Variants in USF2 observed in about 807,000 individuals in gnomAD.
The protein encoded by USF2 is upstream stimulatory factor 2.
A neutral mutation model predicts 46.9 loss-of-function variants in USF2; 16 were observed. The observed-to-expected ratio is 0.34, with a 90% CI of 0.23 to 0.52. The LOEUF (loss-of-function observed/expected upper bound fraction) is 0.52, where lower values mean the gene tolerates loss of function less well. USF2 is among the 20% of genes least tolerant of loss of function. The pLI, the probability that USF2 is intolerant of heterozygous loss-of-function variation, is 0.96. For synonymous variants in USF2, 239 were observed against 194.1 expected (o/e 1.23, Z -1.92); for missense variants, 411 against 474.0 (o/e 0.87, Z 1.23).
chr19:35,272,051 A>AATC (rs2066164200), intron 7 of USF2, among the ~76,000 whole-genome samples: 2 of 152,130 alleles, frequency 1.3e-5, no homozygotes, highest in African/African-American at 2.4e-5. Context: ...TGAGGGGCTG[A>AATC]ATGCTGAGTC....
In USF2 at chr19:35,278,732, G is replaced by C; in HGVS notation, c.762G>C (p.Trp254Cys). 6.2e-7 allele frequency: 1 copy of C among 1,614,188 alleles called. No individual in the cohort carries two copies. The highest frequency in any genetic ancestry group is 8.5e-7 in the Non-Finnish European group (1 of 1,180,032). The change falls in exon 8 of 10, where the codon TGG becomes TGC. Residue 254 changes from tryptophan (W) to cysteine (C), a missense_variant. Around this residue, in one of 2 missense-constraint regions of USF2, gnomAD observed 93 missense variants for 151.6 expected, o/e 0.61. Transcript: ENST00000222305. ...ERRRRDKINN[W>C]IVQLSKIIPD... ...GGCGGAGGGACAAGATCAACAACTGGATCGTCCAGCTTTCGAAAATCATTC... is the reference window on the plus strand; with the variant it reads ...GGCGGAGGGACAAGATCAACAACTGCATCGTCCAGCTTTCGAAAATCATTC...
rs2063371024 is a variant in USF2, at chr19:35,269,294, G to A, written c.62+131G>A. 9 of 883,294 alleles carry A rather than the reference G, an allele frequency of 1.0e-5. No homozygotes were observed. In the Admixed American group the frequency reaches 1.9e-4, roughly 19 times the overall value. 54.7% of individuals were successfully genotyped at this position (883,294 alleles called of 1,614,324 possible). Reference sequence around the variant, plus strand: ...AAAATGGAGGCCGCCGGCGCGGGGGGGACCTGGCGCCTCCCGCCCCCGGCC... The same window carrying A: ...AAAATGGAGGCCGCCGGCGCGGGGGAGACCTGGCGCCTCCCGCCCCCGGCC... On this transcript the variant is annotated intron_variant, in intron 1 of 9. Coordinates refer to ENST00000222305, the MANE Select transcript of USF2 (RefSeq NM_003367.4).
chr19:35,269,854 G>A lies in USF2; in HGVS notation c.280G>A (p.Asp94Asn). The part of the protein sequence containing the change: ...VTDGQLDGQG[D>N]TAGAVSVVST... The stretch of plus-strand genomic sequence containing the variant: ...TGATGGTCAGCTGGACGGCCAGGGC[G>A]ACACAGCTGGCGCCGTCAGCGTCGT... Residue 94 changes from aspartate (D) to asparagine (N), a missense_variant, in exon 4 of 10, where the codon GAC (aspartate) becomes AAC (asparagine). Coordinates refer to ENST00000222305, the MANE Select transcript of USF2 (RefSeq NM_003367.4). The A allele has an allele frequency of 7.0e-7, 1 of 1,432,252 alleles. No individual in the cohort carries two copies. The highest frequency in any genetic ancestry group is 9.1e-7 in the Non-Finnish European group (1 of 1,101,970). 88.7% of individuals were successfully genotyped at this position (1,432,252 alleles called of 1,614,324 possible). A position where few individuals can be genotyped will look rare whatever the true frequency, so the allele number is the denominator to read the frequency against.
At chr19:35,278,613 C>T in intron 7 of USF2, 85 bp from the exon 8 acceptor site, 1 of 1,417,098 alleles carries the variant, frequency 7.1e-7, no homozygotes, top group Non-Finnish European at 9.9e-7. Flanking sequence ...CCTGGGTGTC[C>T]TTGGGCTGAG....
intron 7 of USF2, among the ~76,000 whole-genome samples, chr19:35,272,029 C>T (rs539463114): frequency 4.9e-4 from 74 of 152,140 alleles, no homozygotes; most frequent in Middle Eastern, 3.4e-3. Flanking sequence ...GGGAAGGCCT[C>T]GAATGCCCGA....
rs753778709 is a variant in USF2 at position 35,270,079 on chromosome 19, C to T, written c.429+76C>T. 2.9e-4 allele frequency: 385 copies of T among 1,324,386 alleles called. 1 individual carries two copies. The highest frequency in any genetic ancestry group is 4.5e-5 in the Non-Finnish European group (47 of 1,037,194). The allele number at this position is 1,324,386 out of a possible 1,614,324, so 82.0% of individuals were successfully genotyped here. On this transcript the variant is annotated intron_variant, in intron 4 of 9. Coordinates refer to ENST00000222305, the MANE Select transcript of USF2 (RefSeq NM_003367.4). ...CACTGGCTCTGCTCTTGGGGAGCCC[C>T]GGGGGTGGGGCAGGTGTCGCCCAGC...
Position 35,272,984 on chromosome 19 carries a change from C to T in USF2, c.727+1843C>T, listed in dbSNP as rs185770388. On this transcript the variant is annotated intron_variant, in intron 7 of 9. Coordinates refer to ENST00000222305, the MANE Select transcript of USF2 (RefSeq NM_003367.4). The stretch of plus-strand genomic sequence containing the variant: ...GGTGGAAGCACAGCCGCCCCGGGCA[C>T]CTGGTGGGGATGCAGTGAGTCTTGG... Among the ~76,000 whole-genome samples, 395 of 151,650 alleles carry T rather than the reference C, an allele frequency of 2.6e-3. 4 individuals are homozygous for T. The highest frequency in any genetic ancestry group is 9.3e-3 in the African/African-American group (386 of 41,296).
intron 7 of USF2, among the ~76,000 whole-genome samples, 189 bp downstream of exon 7, chr19:35,271,330 G>A (rs997652975): frequency 2.0e-5 from 3 of 152,226 alleles, no homozygotes; most frequent in East Asian, 1.9e-4. Context: ...GAAGTAGAGG[G>A]ACAGGGAGTG....
intron 4 of USF2, 105 bp from the exon 5 acceptor site, chr19:35,270,342 T>G: frequency 6.7e-7 from 1 of 1,494,012 alleles, no homozygotes; most frequent in Non-Finnish European, 9.0e-7. Flanking sequence ...GAGTCCCCAC[T>G]CCTGTTAATT....
intron 6 of USF2, 60 bp downstream of exon 6, chr19:35,270,865 G>A: frequency 6.2e-7 from 1 of 1,601,336 alleles, no homozygotes; most frequent in Non-Finnish European, 8.6e-7. Flanking sequence ...GGGGTTTCTG[G>A]AGTAGAAGCT....
intron 1 of USF2, 84 bp downstream of exon 1, chr19:35,269,247 C>G: frequency 1.0e-6 from 1 of 961,848 alleles, no homozygotes; most frequent in African/African-American, 1.8e-5. Flanking sequence ...GCCATGATCC[C>G]GAGCGGCCGC....
chr19:35,274,134 A>C (rs535161628), intron 7 of USF2, among the ~76,000 whole-genome samples: 2 of 152,312 alleles, frequency 1.3e-5, no homozygotes, highest in East Asian at 3.9e-4. Flanking sequence ...TGAACTACCT[A>C]TTCGAGATTT....
rs774209183 is a variant in USF2 at position 35,269,690 on chromosome 19, T to G, written c.219T>G (p.Asn73Lys). The G allele has an allele frequency of 1.1e-5, 14 of 1,236,846 alleles. No individual in the cohort carries two copies. The highest frequency in any genetic ancestry group is 1.5e-5 in the Non-Finnish European group (14 of 965,074). The allele number at this position is 1,236,846 out of a possible 1,614,324, so 76.6% of individuals were successfully genotyped here. A position where few individuals can be genotyped will look rare whatever the true frequency, so the allele number is the denominator to read the frequency against. Reference protein sequence around the residue: ...NIQYQFRTETNGGQVTYRVVQ... With the variant: ...NIQYQFRTETKGGQVTYRVVQ... ...AGTACCAGTTCCGCACAGAGACAAATGGAGGACAGGTGAGCGGCGGGCCGC... is the reference window on the plus strand; with the variant it reads ...AGTACCAGTTCCGCACAGAGACAAAGGGAGGACAGGTGAGCGGCGGGCCGC... Residue 73 changes from asparagine to lysine, a missense_variant, in exon 3 of 10, where the codon AAT (asparagine) becomes AAG (lysine). Transcript: ENST00000222305.
In USF2 at chr19:35,276,069, C is replaced by CTTTTT. The variant is rs752967792; in HGVS notation, c.728-2613_728-2609dup. ...GGCAGGTTTCGCTTCTGAATTTTCT[C>CTTTTT]TTTTTTTTTTTTTTTTTTTTGAGAC... is the stretch of plus-strand genomic sequence containing the variant. On this transcript the variant is annotated intron_variant, in intron 7 of 9. Coordinates refer to ENST00000222305, the MANE Select transcript of USF2 (RefSeq NM_003367.4). Among the ~76,000 whole-genome samples, 69 of 112,024 alleles carry CTTTTT rather than the reference C, an allele frequency of 6.2e-4. 1 individual carries two copies. Among genetic ancestry groups the CTTTTT allele is most frequent in the Middle Eastern group, 5.9e-3 (1 of 170 alleles). 73.5% of individuals were successfully genotyped at this position (112,024 alleles called of 152,430 possible).
At chr19:35,274,550 T>C (rs572062667) in intron 7 of USF2, among the ~76,000 whole-genome samples, 1 of 152,230 alleles carries the variant, frequency 6.6e-6, no homozygotes, top group South Asian at 2.1e-4. Context: ...CCAGCACTTT[T>C]GGGATTACAT....
intron 7 of USF2, among the ~76,000 whole-genome samples, chr19:35,276,067 CTCT>C (rs1318507678): frequency 3.6e-5 from 4 of 110,688 alleles, no homozygotes; most frequent in Non-Finnish European, 7.8e-5. Flanking sequence ...TCTGAATTTT[CTCT>C]TTTTTTTTTT....
Position 35,269,604 on chromosome 19 carries a change from G to C in USF2, c.133G>C (p.Glu45Gln). The change falls in exon 3 of 10, where the codon GAG becomes CAG. Residue 45 changes from glutamate to glutamine, a missense_variant. Glu to Gln is a conservative substitution (Grantham distance 29). Transcript: ENST00000222305. ...QEGGDGPGAE[E>Q]QTAVAITSVQ... ...AGGCGGGGACGGCCCAGGAGCGGAG[G>C]AGCAGACAGCGGTGGCCATCACCAG... 2 of 1,595,766 alleles carry C rather than the reference G, an allele frequency of 1.3e-6. No homozygotes were observed. The highest frequency in any genetic ancestry group is 1.7e-6 in the Non-Finnish European group (2 of 1,172,456).
intron 7 of USF2, chr19:35,275,995 C>T (rs1349138666): frequency 2.0e-5 from 3 of 151,786 alleles, no homozygotes; most frequent in East Asian, 3.9e-4. Flanking sequence ...GAAAGATGTC[C>T]ATGTCTCTCA....
chr19:35,269,990 C>T lies in USF2; in HGVS notation c.416C>T (p.Ala139Val). 7.5e-7 allele frequency: 1 copy of T among 1,339,854 alleles called. No individual in the cohort carries two copies. 83.0% of individuals were successfully genotyped at this position (1,339,854 alleles called of 1,614,324 possible). A position where few individuals can be genotyped will look rare whatever the true frequency, so the allele number is the denominator to read the frequency against. The change falls in exon 4 of 10, where the codon GCG (alanine) becomes GTG (valine). Residue 139 changes from alanine (A) to valine (V), a missense_variant. By Grantham distance (64) the Ala-to-Val change is moderately conservative. Around this residue, in one of 2 missense-constraint regions of USF2, gnomAD observed 318 missense variants for 322.4 expected, o/e 0.99. Coordinates refer to ENST00000222305, the MANE Select transcript of USF2 (RefSeq NM_003367.4). Reference protein sequence around the residue: ...AAASVPPGPAAPFPLAVIQNP... With the variant: ...AAASVPPGPAVPFPLAVIQNP... ...GCCTCTGTGCCCCCAGGTCCTGCAG[C>T]GCCCTTCCCGCTGGTAGGTGCCCTG...
Sources: gnomAD v4.1 joint callset for allele counts (sites outside exome capture counted in the v4.1 genomes callset) on GRCh38, gnomAD v4.1.1 for gene constraint, gnomAD v4.1.1 regional missense constraint, MANE v1.5 for transcripts, NCBI Gene and HGNC (gene_info 2026-07-23, HGNC 2026-07-21) for gene names.